PTPRD: variants seen among roughly 807,000 people sequenced by gnomAD.
PTPRD encodes the protein protein tyrosine phosphatase receptor type D.
In PTPRD, 34 loss-of-function variants were observed where a neutral mutation model predicts 214.5. The observed-to-expected ratio is 0.16, with a 90% CI of 0.12 to 0.21. The LOEUF (loss-of-function observed/expected upper bound fraction) is 0.21, where lower values mean the gene tolerates loss of function less well. Among genes scored for constraint, PTPRD ranks in the 10% least tolerant of loss-of-function variants. PTPRD has a pLI of 1.00. For missense variants in PTPRD, 2,545 were observed against 2,398.7 expected (o/e 1.06, Z -1.27); for synonymous variants, 1,128 against 845.7 (o/e 1.33, Z -5.79).
intron 11 of PTPRD, among the ~76,000 whole-genome samples, chr9:8,905,223 G>A (rs1342653050): frequency 2.0e-5 from 3 of 151,890 alleles, no homozygotes; most frequent in African/African-American, 7.3e-5. Context: ...CCAAAGTAAA[G>A]CATTCTGTGA....
At chr9:9,362,228 T>C (rs954109608) in intron 9 of PTPRD, among the ~76,000 whole-genome samples, 3 of 151,118 alleles carry the variant, frequency 2.0e-5, no homozygotes, top group Non-Finnish European at 4.5e-5. Context: ...AGTATTTCTA[T>C]AGTATTTCCT....
At chr9:9,524,527 G>C (rs1350313895) in intron 8 of PTPRD, among the ~76,000 whole-genome samples, 1 of 152,120 alleles carries the variant, frequency 6.6e-6, no homozygotes, top group Non-Finnish European at 1.5e-5. Context: ...CTCAACATTT[G>C]TTAGAAATGA....
chr9:9,796,297 A>C (rs2153488834), intron 5 of PTPRD, among the ~76,000 whole-genome samples: 1 of 152,304 alleles, frequency 6.6e-6, no homozygotes, highest in Non-Finnish European at 1.5e-5. Context: ...GAGTAAGATA[A>C]AATTCCATGG....
chr9:9,890,607 A>C (rs2072950520), intron 5 of PTPRD, among the ~76,000 whole-genome samples: 1 of 152,046 alleles, frequency 6.6e-6, no homozygotes, highest in African/African-American at 2.4e-5. Context: ...GTATCATCAG[A>C]AGCATAAAGA....
intron 9 of PTPRD, among the ~76,000 whole-genome samples, chr9:9,247,681 C>G (rs773284162): frequency 6.6e-6 from 1 of 152,078 alleles, no homozygotes; most frequent in Non-Finnish European, 1.5e-5. Context: ...AGGATGTTTT[C>G]TGATCTCCAG....
chr9:8,552,419 C>T (rs1291473355), intron 14 of PTPRD, among the ~76,000 whole-genome samples: 1 of 152,134 alleles, frequency 6.6e-6, no homozygotes, highest in Non-Finnish European at 1.5e-5. Context: ...TTGGTATCCA[C>T]TTTTCTCCCA....
At chr9:9,565,232 C>G (rs1456830249) in intron 8 of PTPRD, among the ~76,000 whole-genome samples, 2 of 151,700 alleles carry the variant, frequency 1.3e-5, no homozygotes, top group Non-Finnish European at 1.5e-5. Flanking sequence ...CTAAACAAAC[C>G]TTTTTAAGCT....
At chr9:8,811,041 C>T (rs895594570) in intron 11 of PTPRD, among the ~76,000 whole-genome samples, 1 of 152,260 alleles carries the variant, frequency 6.6e-6, no homozygotes, top group Admixed American at 6.5e-5. Flanking sequence ...AGGCAGGGTG[C>T]GGTCAGCATT....
intron 7 of PTPRD, among the ~76,000 whole-genome samples, chr9:9,584,416 T>C (rs1291501233): frequency 6.7e-6 from 1 of 149,898 alleles, no homozygotes; most frequent in Non-Finnish European, 1.5e-5. Flanking sequence ...ATGTTGCTCA[T>C]GTTTCACCAT....
At chr9:10,513,007 T>TGAA (rs1213691500) in intron 2 of PTPRD, among the ~76,000 whole-genome samples, 2 of 152,136 alleles carry the variant, frequency 1.3e-5, no homozygotes, top group East Asian at 3.9e-4. Context: ...GGAAGAAAAA[T>TGAA]GAACAGAATT....
intron 18 of PTPRD, among the ~76,000 whole-genome samples, chr9:8,523,806 G>T (rs752073720): frequency 1.1e-4 from 16 of 152,106 alleles, no homozygotes; most frequent in Non-Finnish European, 1.9e-4. Context: ...GTGGAAAAAG[G>T]ATCAAGGGAC....
intron 14 of PTPRD, among the ~76,000 whole-genome samples, chr9:8,590,884 G>C (rs953127296): frequency 6.6e-6 from 1 of 152,120 alleles, no homozygotes; most frequent in African/African-American, 2.4e-5. Context: ...TTCAGTTCTG[G>C]AGGTCAGAAG....
At chr9:8,929,774 TATATGG>T in intron 11 of PTPRD, among the ~76,000 whole-genome samples, 2 of 106,548 alleles carry the variant, frequency 1.9e-5, no homozygotes, top group Admixed American at 1.2e-4. Context: ...TATGTGTATA[TATATGG>T]GTGTGTATAT....
rs114333916 is a variant in PTPRD, at chr9:8,644,812, G to C, written c.65-7968C>G. Among the ~76,000 whole-genome samples, 415 of 152,280 alleles carry C rather than the reference G, an allele frequency of 2.7e-3. 2 individuals are homozygous for C. Among genetic ancestry groups the C allele is most frequent in the African/African-American group, 9.7e-3 (402 of 41,558 alleles). On this transcript the variant is annotated intron_variant, in intron 12 of 45. Transcript: ENST00000381196. ...CCCCACGTTCACTCACACACCCCTT[G>C]CCATTCCATGCCTGACTCGCAGTCT...
chr9:8,650,042 C>T (rs62528767), intron 12 of PTPRD, among the ~76,000 whole-genome samples: 8,471 of 152,124 alleles, frequency 0.056, 357 homozygotes, highest in Non-Finnish European at 0.09. Flanking sequence ...CTCAAACTCC[C>T]GAGCAGCGAG....
At chr9:9,944,934 C>T (rs754219605) in intron 4 of PTPRD, among the ~76,000 whole-genome samples, 24 of 151,772 alleles carry the variant, frequency 1.6e-4, no homozygotes, top group Non-Finnish European at 2.6e-4. Context: ...AGCAGAAAAA[C>T]AACAAAAAGG....
intron 11 of PTPRD, among the ~76,000 whole-genome samples, chr9:9,002,451 T>C (rs900486110): frequency 1.3e-5 from 2 of 152,068 alleles, no homozygotes; most frequent in Non-Finnish European, 2.9e-5. Flanking sequence ...AAAAATTGAT[T>C]ATTCTATTAT....
intron 7 of PTPRD, among the ~76,000 whole-genome samples, chr9:9,730,255 G>C (rs6477415): frequency 2.2e-3 from 335 of 152,162 alleles, no homozygotes; most frequent in African/African-American, 7.5e-3. Flanking sequence ...TAATTTGCAA[G>C]TTACCTATAA....
intron 2 of PTPRD, among the ~76,000 whole-genome samples, chr9:10,589,943 A>G (rs574243476): frequency 3.9e-5 from 6 of 152,220 alleles, no homozygotes; most frequent in Admixed American, 1.3e-4. Flanking sequence ...TGTTATTACT[A>G]TTAATATGAC....
Sources: allele counts gnomAD v4.1 joint callset (sites outside exome capture counted in the v4.1 genomes callset), GRCh38; gene constraint gnomAD v4.1.1; transcripts MANE v1.5; gene names NCBI Gene and HGNC (gene_info 2026-07-23, HGNC 2026-07-21).